TBL1X: variants seen among roughly 807,000 people sequenced by gnomAD.
TBL1X encodes F-box-like/WD repeat-containing protein TBL1X.
Under a neutral mutation model 50.7 loss-of-function variants are expected in TBL1X, and 10 were observed. The ratio of observed to expected loss-of-function variants is 0.20; its 90% CI spans 0.12 to 0.33. The LOEUF (loss-of-function observed/expected upper bound fraction) is 0.33. Ranked by LOEUF, TBL1X falls within the 10% of genes least tolerant of loss-of-function variation. The pLI, the probability that TBL1X is intolerant of heterozygous loss-of-function variation, is 1.00. For missense variants in TBL1X, 340 were observed against 504.4 expected (o/e 0.67, Z 3.12); for synonymous variants, 190 against 214.7 (o/e 0.88, Z 1.01).
intron 5 of TBL1X, among the ~76,000 whole-genome samples, chrX:9,680,317 G>A: frequency 8.9e-6 from 1 of 112,242 alleles, no homozygotes; most frequent in East Asian, 2.8e-4. Flanking sequence ...CATTTCATCT[G>A]ACATCCTTAT....
chrX:9,512,904 A>C (rs189048259), intron 2 of TBL1X, among the ~76,000 whole-genome samples: 1 of 111,633 alleles, frequency 9.0e-6, no homozygotes, highest in African/African-American at 3.3e-5. Flanking sequence ...GCGACTGACT[A>C]TACGGCTTCC....
intron 1 of TBL1X, among the ~76,000 whole-genome samples, chrX:9,484,870 C>T (rs748320470): frequency 4.0e-5 from 4 of 99,994 alleles, no homozygotes; most frequent in Non-Finnish European, 8.0e-5. Flanking sequence ...TAGCTTGAAC[C>T]GAGAAGTTCG....
At chrX:9,519,933 C>A (rs1168581596) in intron 2 of TBL1X, among the ~76,000 whole-genome samples, 1 of 112,581 alleles carries the variant, frequency 8.9e-6, no homozygotes, top group African/African-American at 3.2e-5. Context: ...CCTACTCTGA[C>A]AAGATCTAAA....
At chrX:9,515,297 T>G (rs1348052556) in intron 2 of TBL1X, among the ~76,000 whole-genome samples, 4 of 112,322 alleles carry the variant, frequency 3.6e-5, no homozygotes, top group African/African-American at 1.3e-4. Flanking sequence ...GAATTCCTTC[T>G]TCTGATCTGC....
intron 2 of TBL1X, among the ~76,000 whole-genome samples, chrX:9,519,828 A>AG (rs775484635): frequency 2.7e-5 from 3 of 112,248 alleles, no homozygotes; most frequent in Non-Finnish European, 5.6e-5. Flanking sequence ...CTAGAATTCA[A>AG]AAACGGCAGT....
chrX:9,644,941 G>A (rs2082796030), intron 3 of TBL1X: 1 of 112,428 alleles, frequency 8.9e-6, no homozygotes, highest in African/African-American at 3.2e-5. Flanking sequence ...TAACAGGCGT[G>A]AGCCACCATG....
chrX:9,508,409 A>T (rs1403386303), intron 2 of TBL1X, among the ~76,000 whole-genome samples: 1 of 112,245 alleles, frequency 8.9e-6, no homozygotes, highest in Non-Finnish European at 1.9e-5. Context: ...TGCCAGTCAG[A>T]TGGCGATTAT....
intron 2 of TBL1X, among the ~76,000 whole-genome samples, chrX:9,544,621 G>A (rs906695596): frequency 8.9e-6 from 1 of 112,036 alleles, no homozygotes; most frequent in African/African-American, 3.2e-5. Context: ...GAAGTGCAAT[G>A]GTGCGATCTC....
At chrX:9,499,981 A>T (rs1361467673) in intron 1 of TBL1X, among the ~76,000 whole-genome samples, 1 of 104,452 alleles carries the variant, frequency 9.6e-6, no homozygotes, top group Non-Finnish European at 2.0e-5. Flanking sequence ...CCTGTCTCCA[A>T]AAAAAAAAAA....
At chrX:9,604,082 C>T (rs1289455159) in intron 2 of TBL1X, among the ~76,000 whole-genome samples, 1 of 111,720 alleles carries the variant, frequency 9.0e-6, no homozygotes. Context: ...TTTCTGCGGA[C>T]TCAGGTCACC....
At chrX:9,709,363 A>G (rs2083230456) in intron 14 of TBL1X, 41 bp downstream of exon 14, 1 of 1,180,667 alleles carries the variant, frequency 8.5e-7, no homozygotes, top group African/African-American at 1.8e-5. Flanking sequence ...TTAATCCTAG[A>G]CAACCCCGGG....
chrX:9,529,018 A>T (rs755686800), intron 2 of TBL1X, among the ~76,000 whole-genome samples: 1 of 112,035 alleles, frequency 8.9e-6, no homozygotes, highest in African/African-American at 3.2e-5. Context: ...ACGGAGTGGA[A>T]AAGTTTTCTG....
rs375555898 is a variant in TBL1X at position 9,645,095 on chromosome X, G to A, written c.-43+4735G>A. 217 of 111,949 alleles carry A rather than the reference G, an allele frequency of 1.9e-3. 8 individuals are homozygous for A. In the South Asian group the frequency reaches 0.077, roughly 40 times the overall value. 9.2% of individuals were successfully genotyped at this position (111,949 alleles called of 1,213,427 possible). On this transcript the variant is annotated intron_variant, in intron 3 of 17. Transcript: ENST00000645353. ...TGATTATCTCTGAAGACATTGCCAG[G>A]TCGTTTTTGTTTGTTTTGAGACAAG...
chrX:9,466,070 G>C (rs748204727), intron 1 of TBL1X, among the ~76,000 whole-genome samples: 1 of 112,629 alleles, frequency 8.9e-6, no homozygotes, highest in South Asian at 3.6e-4. Flanking sequence ...CCATCTCCCC[G>C]GCCTGAGCGC....
At chrX:9,698,432 C>T (rs1053563903) in intron 12 of TBL1X, among the ~76,000 whole-genome samples, 14 of 111,824 alleles carry the variant, frequency 1.3e-4, no homozygotes, top group East Asian at 5.6e-4. Flanking sequence ...ACGGTGCACA[C>T]GGCCAAATCC....
intron 1 of TBL1X, among the ~76,000 whole-genome samples, chrX:9,499,753 A>T (rs999597693): frequency 3.6e-5 from 4 of 111,808 alleles, no homozygotes; most frequent in Non-Finnish European, 7.5e-5. Context: ...AGGCGGGTGG[A>T]TCACCTGAGG....
chrX:9,641,752 T>A (rs1235082292), intron 3 of TBL1X, among the ~76,000 whole-genome samples: 1 of 112,752 alleles, frequency 8.9e-6, no homozygotes, highest in Non-Finnish European at 1.9e-5. Flanking sequence ...AGTATAATGT[T>A]TTCAAGGTTC....
chrX:9,680,421 A>G (rs185274877), intron 5 of TBL1X, among the ~76,000 whole-genome samples: 5 of 111,656 alleles, frequency 4.5e-5, no homozygotes, highest in South Asian at 3.8e-4. Context: ...TGTCCCATCT[A>G]TGTGTCTCAT....
rs193051623 is a variant in TBL1X, at chrX:9,550,602, G to T, written c.-131+48753G>T. Among the ~76,000 whole-genome samples the T allele has an allele frequency of 3.6e-5, 4 of 111,740 alleles. No individual in the cohort carries two copies. The East Asian group carries it at 8.4e-4, about 24-fold the overall frequency. On this transcript the variant is annotated intron_variant, in intron 2 of 17. Transcript: ENST00000645353. ...CTTCTACGAATTCTCTTGTAGGAGTGTACATTTTGGTCATTTTTTGGAATG... is the reference window on the plus strand; with the variant it reads ...CTTCTACGAATTCTCTTGTAGGAGTTTACATTTTGGTCATTTTTTGGAATG...
Sources: gnomAD v4.1 joint callset for allele counts (sites outside exome capture counted in the v4.1 genomes callset) on GRCh38, gnomAD v4.1.1 for gene constraint, MANE v1.5 for transcripts, NCBI Gene and HGNC (gene_info 2026-07-23, HGNC 2026-07-21) for gene names.